Variants in NKAIN2 observed in about 807,000 individuals in gnomAD.
The protein encoded by NKAIN2 is sodium/potassium-transporting ATPase subunit beta-1-interacting protein 2.
NKAIN2 carries 14 observed loss-of-function variants against 32.6 expected under a neutral mutation model. The observed-to-expected ratio is 0.43, with a 90% CI of 0.28 to 0.67. The LOEUF (loss-of-function observed/expected upper bound fraction) is 0.67, where lower values mean the gene tolerates loss of function less well. Ranked by LOEUF, NKAIN2 falls within the 30% of genes least tolerant of loss-of-function variation. NKAIN2 has a pLI of 0.17. For synonymous variants in NKAIN2, 80 were observed against 87.2 expected (o/e 0.92, Z 0.46); for missense variants, 198 against 258.3 (o/e 0.77, Z 1.60).
rs552219894 is a variant in NKAIN2, at chr6:124,066,687, C to T, written c.55-216318C>T. On this transcript the variant is annotated intron_variant, in intron 1 of 6. Coordinates refer to ENST00000368417, the MANE Select transcript of NKAIN2 (RefSeq NM_001040214.3). Reference sequence around the variant, plus strand: ...AAAAATAAAATTATAACATATGATTCAGCCATATGTGTTTTTATGTAAAAA... The same window carrying T: ...AAAAATAAAATTATAACATATGATTTAGCCATATGTGTTTTTATGTAAAAA... 1.1e-4 allele frequency among the ~76,000 whole-genome samples: 17 copies of T among 152,194 alleles called. No individual in the cohort carries two copies. In the South Asian group the frequency reaches 3.3e-3, roughly 30 times the overall value.
chr6:124,171,961 T>C (rs565936443), intron 1 of NKAIN2, among the ~76,000 whole-genome samples: 1 of 151,740 alleles, frequency 6.6e-6, no homozygotes, highest in South Asian at 2.1e-4. Context: ...TACAGGCACA[T>C]GCTGCCACGC....
intron 3 of NKAIN2, among the ~76,000 whole-genome samples, chr6:124,603,181 A>G (rs1782372295): frequency 6.6e-6 from 1 of 152,020 alleles, no homozygotes; most frequent in Admixed American, 6.6e-5. Flanking sequence ...GCCCAAAGCC[A>G]TACAGCTTTT....
intron 1 of NKAIN2, among the ~76,000 whole-genome samples, chr6:124,218,383 A>G (rs1393289568): frequency 6.6e-6 from 1 of 152,180 alleles, no homozygotes; most frequent in Non-Finnish European, 1.5e-5. Context: ...GATAAAGATG[A>G]TGAAACAAAT....
chr6:123,833,975 C>T (rs1258026517), intron 1 of NKAIN2, among the ~76,000 whole-genome samples: 3 of 151,840 alleles, frequency 2.0e-5, no homozygotes, highest in Non-Finnish European at 2.9e-5. Flanking sequence ...ATCCACCCGC[C>T]TCAGCCTCCC....
chr6:124,152,302 A>G (rs1787766969), intron 1 of NKAIN2, among the ~76,000 whole-genome samples: 1 of 151,976 alleles, frequency 6.6e-6, no homozygotes, highest in African/African-American at 2.4e-5. Context: ...ATTCTGTTTC[A>G]TTAGTCTAAT....
At chr6:123,946,173 G>A (rs1430129752) in intron 1 of NKAIN2, among the ~76,000 whole-genome samples, 2 of 152,104 alleles carry the variant, frequency 1.3e-5, no homozygotes, top group Non-Finnish European at 2.9e-5. Flanking sequence ...TTCAGTTGGT[G>A]AGCAGAGTGA....
At chr6:124,086,499 A>G (rs904674549) in intron 1 of NKAIN2, among the ~76,000 whole-genome samples, 1 of 151,914 alleles carries the variant, frequency 6.6e-6, no homozygotes, top group Non-Finnish European at 1.5e-5. Flanking sequence ...TCATGTGAAT[A>G]TTGTAGGCAT....
At chr6:123,829,976 T>A (rs1268954684) in intron 1 of NKAIN2, among the ~76,000 whole-genome samples, 1 of 152,130 alleles carries the variant, frequency 6.6e-6, no homozygotes, top group African/African-American at 2.4e-5. Context: ...ATCAAAGAAG[T>A]CTATAATTTG....
intron 3 of NKAIN2, among the ~76,000 whole-genome samples, chr6:124,517,968 A>C (rs559250720): frequency 1.3e-5 from 2 of 152,140 alleles, no homozygotes; most frequent in Non-Finnish European, 2.9e-5. Flanking sequence ...TGCATTGTCA[A>C]GTATTTTAAT....
chr6:124,493,712 C>CG (rs376284499), intron 3 of NKAIN2, among the ~76,000 whole-genome samples: 2,268 of 129,688 alleles, frequency 0.017, 35 homozygotes, highest in Non-Finnish European at 0.028. Context: ...ACCAACCCCC[C>CG]CCTCCAAAAA....
At chr6:124,544,002 A>T (rs982850394) in intron 3 of NKAIN2, among the ~76,000 whole-genome samples, 1 of 152,216 alleles carries the variant, frequency 6.6e-6, no homozygotes, top group Admixed American at 6.5e-5. Flanking sequence ...GAGCAGATGC[A>T]GGCTATCCCT....
At chr6:124,065,764 TTC>T (rs1783140869) in intron 1 of NKAIN2, among the ~76,000 whole-genome samples, 3 of 152,320 alleles carry the variant, frequency 2.0e-5, no homozygotes, top group South Asian at 2.1e-4. Context: ...TGTGCAGTAT[TTC>T]TCTGTTTCAC....
chr6:124,588,345 G>T (rs575822012), intron 3 of NKAIN2, among the ~76,000 whole-genome samples: 18 of 152,050 alleles, frequency 1.2e-4, no homozygotes, highest in African/African-American at 4.1e-4. Context: ...ATAATTTAAT[G>T]CAATTTTTAT....
chr6:124,005,280 C>G lies in NKAIN2; in HGVS notation c.54+201026C>G, dbSNP rs567983846. Among the ~76,000 whole-genome samples, 7 of 152,112 alleles carry G rather than the reference C, an allele frequency of 4.6e-5. No individual in the cohort carries two copies. The South Asian group carries it at 1.5e-3, about 32-fold the overall frequency. On this transcript the variant is annotated intron_variant, in intron 1 of 6. Coordinates refer to ENST00000368417, the MANE Select transcript of NKAIN2 (RefSeq NM_001040214.3). The stretch of plus-strand genomic sequence containing the variant: ...AAGGAAAACCCTATCATTTCCAATT[C>G]TTATGTAATTCAAACAGATGAATTC...
At chr6:123,982,959 T>C (rs529505426) in intron 1 of NKAIN2, among the ~76,000 whole-genome samples, 1 of 152,034 alleles carries the variant, frequency 6.6e-6, no homozygotes, top group East Asian at 1.9e-4. Flanking sequence ...CTTCCTTCTT[T>C]CCTCCATTCT....
At chr6:124,074,817 G>A (rs769982943) in intron 1 of NKAIN2, among the ~76,000 whole-genome samples, 1 of 152,066 alleles carries the variant, frequency 6.6e-6, no homozygotes, top group Admixed American at 6.6e-5. Context: ...GAACCCATAC[G>A]GAATACGCAT....
At chr6:124,218,153 A>G (rs1257945496) in intron 1 of NKAIN2, among the ~76,000 whole-genome samples, 2 of 151,086 alleles carry the variant, frequency 1.3e-5, no homozygotes, top group Non-Finnish European at 2.9e-5. Context: ...ACCTCATTCA[A>G]TAAGTACATC....
At chr6:124,220,776 C>T (rs1333813452) in intron 1 of NKAIN2, among the ~76,000 whole-genome samples, 2 of 151,874 alleles carry the variant, frequency 1.3e-5, no homozygotes, top group Non-Finnish European at 2.9e-5. Flanking sequence ...AGAGTGGGAA[C>T]CTTTAGTTTT....
chr6:124,588,072 C>T lies in NKAIN2; in HGVS notation c.274-70114C>T, dbSNP rs548622240. On this transcript the variant is annotated intron_variant, in intron 3 of 6. Transcript: ENST00000368417. ...TGTTCTAAATAGATGATATAGGTTCCGCTGCAATATTCACTTGACTCTGTG... is the reference window on the plus strand; with the variant it reads ...TGTTCTAAATAGATGATATAGGTTCTGCTGCAATATTCACTTGACTCTGTG... Among the ~76,000 whole-genome samples, 13 of 152,108 alleles carry T rather than the reference C, an allele frequency of 8.5e-5. No individual in the cohort carries two copies. In the East Asian group the frequency reaches 9.7e-4, roughly 11 times the overall value.
Sources: gnomAD v4.1 joint callset for allele counts (sites outside exome capture counted in the v4.1 genomes callset) on GRCh38, gnomAD v4.1.1 for gene constraint, MANE v1.5 for transcripts, NCBI Gene and HGNC (gene_info 2026-07-23, HGNC 2026-07-21) for gene names.